ATRNL1: variants seen among roughly 807,000 people sequenced by gnomAD.
ATRNL1 encodes attractin-like protein 1.
Under a neutral mutation model 182.7 loss-of-function variants are expected in ATRNL1, and 95 were observed. The observed-to-expected ratio is 0.52, with a 90% CI of 0.44 to 0.62. ATRNL1 has a LOEUF of 0.62. ATRNL1 is among the 20% of genes least tolerant of loss of function. The pLI is 0.00. For synonymous variants in ATRNL1, 576 were observed against 568.3 expected, an observed-to-expected ratio of 1.01 and a Z score of -0.19; for missense variants, 1,471 against 1,679.5, an observed-to-expected ratio of 0.88 and a Z score of 2.17.
At chr10:115,279,386 CTACTTGTT>C (rs1852255145) in intron 13 of ATRNL1, among the ~76,000 whole-genome samples, 1 of 152,004 alleles carries the variant, frequency 6.6e-6, no homozygotes, top group African/African-American at 2.4e-5. Context: ...GAAGAGGAAT[CTACTTGTT>C]TTAATCAATT....
intron 14 of ATRNL1, among the ~76,000 whole-genome samples, chr10:115,284,123 C>T (rs1554917852): frequency 6.6e-6 from 1 of 152,150 alleles, no homozygotes; most frequent in African/African-American, 2.4e-5. Context: ...GAATTTATCT[C>T]ACTAAACTCA....
intron 26 of ATRNL1, among the ~76,000 whole-genome samples, chr10:115,639,747 C>G (rs1384244037): frequency 6.6e-6 from 1 of 151,248 alleles, no homozygotes; most frequent in Non-Finnish European, 1.5e-5. Flanking sequence ...TTAAAGTAGT[C>G]CAAAGGAAGG....
chr10:115,630,567 C>T (rs1456616796), intron 26 of ATRNL1, among the ~76,000 whole-genome samples: 1 of 151,366 alleles, frequency 6.6e-6, no homozygotes, highest in African/African-American at 2.4e-5. Flanking sequence ...ACTCCCATTA[C>T]AGCATTATTC....
At chr10:115,577,914 A>G (rs1854823023) in intron 26 of ATRNL1, among the ~76,000 whole-genome samples, 1 of 151,632 alleles carries the variant, frequency 6.6e-6, no homozygotes, top group Non-Finnish European at 1.5e-5. Flanking sequence ...TATTATGTTC[A>G]AGAAATTTCC....
chr10:115,855,750 A>G (rs533577535), intron 28 of ATRNL1, among the ~76,000 whole-genome samples: 1 of 152,362 alleles, frequency 6.6e-6, no homozygotes, highest in East Asian at 1.9e-4. Flanking sequence ...ACCGAAATCA[A>G]GCCCAAAACT....
At chr10:115,461,433 G>T (rs1554969649) in intron 21 of ATRNL1, among the ~76,000 whole-genome samples, 1 of 151,958 alleles carries the variant, frequency 6.6e-6, no homozygotes, top group African/African-American at 2.4e-5. Flanking sequence ...ATTACTAAAA[G>T]TAGAAGTGAA....
intron 19 of ATRNL1, among the ~76,000 whole-genome samples, chr10:115,340,654 C>A (rs1049221368): frequency 5.9e-5 from 9 of 151,380 alleles, no homozygotes; most frequent in Non-Finnish European, 1.2e-4. Context: ...AGCCATCAGA[C>A]CCCAGGCTTT....
intron 26 of ATRNL1, among the ~76,000 whole-genome samples, chr10:115,582,720 C>A (rs1418922245): frequency 2.0e-5 from 3 of 149,390 alleles, no homozygotes; most frequent in African/African-American, 4.9e-5. Flanking sequence ...ATGGTAGTTT[C>A]TTTTGCTGTG....
At chr10:115,584,326 A>T (rs1855350316) in intron 26 of ATRNL1, among the ~76,000 whole-genome samples, 2 of 124,792 alleles carry the variant, frequency 1.6e-5, no homozygotes, top group African/African-American at 5.3e-5. Context: ...AAGGAATGGT[A>T]CCAGTTCCTC....
At chr10:115,577,610 TTG>T (rs3981280) in intron 26 of ATRNL1, among the ~76,000 whole-genome samples, 1,615 of 135,084 alleles carry the variant, frequency 0.012, 15 homozygotes, top group East Asian at 0.039. Context: ...TTCTAACAGG[TTG>T]TGTGTGTGTG....
chr10:115,098,127 A>G lies in ATRNL1; in HGVS notation c.293+4084A>G, dbSNP rs551142750. On this transcript the variant is annotated intron_variant, in intron 1 of 28. Transcript: ENST00000355044. ...ATTTATATCCATGGATTATTTTTAC[A>G]TTATTAAAGTGTATAATCACACAGT... Among the ~76,000 whole-genome samples, 9 of 152,230 alleles carry G rather than the reference A, an allele frequency of 5.9e-5. 1 individual carries two copies. In the South Asian group the frequency reaches 1.7e-3, roughly 28 times the overall value.
chr10:115,408,758 G>A (rs1361078294), intron 20 of ATRNL1, among the ~76,000 whole-genome samples: 1 of 152,118 alleles, frequency 6.6e-6, no homozygotes, highest in African/African-American at 2.4e-5. Context: ...AGGGCAAGAG[G>A]TGAGGGGTCT....
In ATRNL1 at chr10:115,559,438, GTGTGT is replaced by G. The variant is rs1853539416; in HGVS notation, c.3795+9903_3795+9907del. ...TTTGTGTGTGTGTGTGTGTGTGTGTGTGTGTGCGCGCGCGCACGCACGCACATGCG... is the reference window on the plus strand; with the variant it reads ...TTTGTGTGTGTGTGTGTGTGTGTGTGGCGCGCGCGCACGCACGCACATGCG... On this transcript the variant is annotated intron_variant, in intron 26 of 28. Transcript: ENST00000355044. Among the ~76,000 whole-genome samples the G allele has an allele frequency of 1.0e-4, 11 of 109,668 alleles. No homozygotes were observed. The East Asian group carries it at 3.4e-3, about 34-fold the overall frequency. 71.9% of individuals were successfully genotyped at this position (109,668 alleles called of 152,430 possible). A position where few individuals can be genotyped will look rare whatever the true frequency, so the allele number is the denominator to read the frequency against.
Position 115,923,312 on chromosome 10 carries a change from A to T in ATRNL1, c.4019-21346A>T, listed in dbSNP as rs1953123693. The stretch of plus-strand genomic sequence containing the variant: ...CTTAAATTTTACTTTAAGTTCTGGG[A>T]CACAGGTATAGAATGTACAGGTTTA... On this transcript the variant is annotated intron_variant, in intron 28 of 28. Coordinates refer to ENST00000355044, the MANE Select transcript of ATRNL1 (RefSeq NM_207303.4). Among the ~76,000 whole-genome samples, 4 of 152,186 alleles carry T rather than the reference A, an allele frequency of 2.6e-5. No homozygotes were observed. In the South Asian group the frequency reaches 8.3e-4, roughly 31 times the overall value.
chr10:115,630,114 G>T (rs782767222), intron 26 of ATRNL1, among the ~76,000 whole-genome samples: 5 of 151,970 alleles, frequency 3.3e-5, no homozygotes, highest in Admixed American at 6.6e-5. Context: ...CAGTGTCGAG[G>T]AGCTGTTTCC....
intron 24 of ATRNL1, among the ~76,000 whole-genome samples, chr10:115,506,824 C>T (rs1340050644): frequency 6.6e-6 from 1 of 152,002 alleles, no homozygotes; most frequent in South Asian, 2.1e-4. Context: ...TGTGAAAGGT[C>T]AGAGGCATCT....
intron 26 of ATRNL1, among the ~76,000 whole-genome samples, chr10:115,608,890 A>G (rs80092922): frequency 6.6e-6 from 1 of 151,906 alleles, no homozygotes; most frequent in East Asian, 1.9e-4. Flanking sequence ...GAAAAAAAAA[A>G]TCTCTTCAAG....
At chr10:115,837,897 A>G (rs1565424267) in intron 27 of ATRNL1, among the ~76,000 whole-genome samples, 1 of 152,212 alleles carries the variant, frequency 6.6e-6, no homozygotes, top group Non-Finnish European at 1.5e-5. Flanking sequence ...TGACCCATAT[A>G]AAATTGCTGA....
At chr10:115,523,554 C>T (rs1002821683) in intron 25 of ATRNL1, among the ~76,000 whole-genome samples, 1 of 152,212 alleles carries the variant, frequency 6.6e-6, no homozygotes, top group Non-Finnish European at 1.5e-5. Flanking sequence ...TGCATGTGAA[C>T]ATAAGCTGTT....
Sources: allele counts gnomAD v4.1 joint callset (sites outside exome capture counted in the v4.1 genomes callset), GRCh38; gene constraint gnomAD v4.1.1; transcripts MANE v1.5; gene names NCBI Gene and HGNC (gene_info 2026-07-23, HGNC 2026-07-21).